Variants in NINL observed in about 807,000 individuals in gnomAD.
NINL encodes the protein ninein-like protein.
A neutral mutation model predicts 160.3 loss-of-function variants in NINL; 153 were observed. The observed-to-expected ratio is 0.95, with a 90% CI of 0.84 to 1.09. The LOEUF (loss-of-function observed/expected upper bound fraction) is 1.09. NINL is among the 50% of genes least tolerant of loss of function. NINL has a pLI of 0.00. For missense variants in NINL, 1,829 were observed against 1,764.0 expected (o/e 1.04, Z -0.66); for synonymous variants, 800 against 734.8 (o/e 1.09, Z -1.43).
intron 19 of NINL, among the ~76,000 whole-genome samples, chr20:25,466,370 G>A (rs2062913055): frequency 6.6e-6 from 1 of 152,108 alleles, no homozygotes; most frequent in South Asian, 2.1e-4. Flanking sequence ...ACATGCACAC[G>A]TGAAATATAT....
At chr20:25,462,570 G>A in intron 19 of NINL, 29 bp from the exon 20 acceptor site, 1 of 1,566,448 alleles carries the variant, frequency 6.4e-7, no homozygotes, top group South Asian at 1.2e-5. Flanking sequence ...AAATACATAA[G>A]AAAAAAATGT....
At chr20:25,467,280 G>A (rs1013874121) in intron 19 of NINL, 109 bp downstream of exon 19, 21 of 1,005,758 alleles carry the variant, frequency 2.1e-5, no homozygotes, top group Non-Finnish European at 3.1e-5. Flanking sequence ...TCACTGTCAA[G>A]TCTTTTAGAA....
intron 1 of NINL, among the ~76,000 whole-genome samples, chr20:25,541,659 GCT>G (rs1283163260): frequency 2.0e-5 from 3 of 152,200 alleles, no homozygotes; most frequent in Non-Finnish European, 1.5e-5. Flanking sequence ...TATAAAATGA[GCT>G]CTTTCTATAT....
intron 5 of NINL, among the ~76,000 whole-genome samples, chr20:25,508,881 G>A (rs2064012669): frequency 6.6e-6 from 1 of 152,198 alleles, no homozygotes; most frequent in Admixed American, 6.5e-5. Flanking sequence ...GTCCATCAAT[G>A]CCTCCGGCCT....
chr20:25,486,610 G>A (rs546839495), intron 13 of NINL, among the ~76,000 whole-genome samples: 6 of 136,486 alleles, frequency 4.4e-5, no homozygotes, highest in African/African-American at 1.1e-4. Flanking sequence ...AGGCGACACC[G>A]CTCATCACAC....
intron 14 of NINL, among the ~76,000 whole-genome samples, chr20:25,481,146 C>T (rs1384548047): frequency 6.6e-6 from 1 of 152,144 alleles, no homozygotes; most frequent in Non-Finnish European, 1.5e-5. Flanking sequence ...TTCAGGGCAA[C>T]AGGAGAACTC....
In NINL at chr20:25,554,200, C is replaced by T. The variant is rs151161581; in HGVS notation, c.-11-27602G>A. Reference sequence around the variant, plus strand: ...AGAAGCTAAACAAGGAGCCACACAGCGGGAGGGCTGCACTCTGCGGAGCAT... The same window carrying T: ...AGAAGCTAAACAAGGAGCCACACAGTGGGAGGGCTGCACTCTGCGGAGCAT... On this transcript the variant is annotated intron_variant, in intron 1 of 23. Coordinates refer to ENST00000278886, the MANE Select transcript of NINL (RefSeq NM_025176.6). 2.7e-3 allele frequency among the ~76,000 whole-genome samples: 416 copies of T among 152,216 alleles called. 1 individual carries two copies. Among genetic ancestry groups the T allele is most frequent in the Middle Eastern group, 6.8e-3 (2 of 294 alleles).
intron 13 of NINL, among the ~76,000 whole-genome samples, chr20:25,483,344 A>AAAAAAG (rs985542121): frequency 6.6e-6 from 1 of 152,076 alleles, no homozygotes; most frequent in African/African-American, 2.4e-5. Flanking sequence ...ACAAAAAAAA[A>AAAAAAG]AAAAGAAAAG....
At chr20:25,495,683 C>T (rs1170736929) in intron 10 of NINL, among the ~76,000 whole-genome samples, 6 of 152,190 alleles carry the variant, frequency 3.9e-5, no homozygotes, top group Admixed American at 1.3e-4. Context: ...TCCAGGCATG[C>T]GCAAACTTCA....
intron 1 of NINL, among the ~76,000 whole-genome samples, chr20:25,573,229 G>A (rs1050902307): frequency 2.0e-5 from 3 of 150,566 alleles, no homozygotes; most frequent in South Asian, 2.1e-4. Context: ...CCTGGGAGGC[G>A]GAGGCTGCAG....
chr20:25,530,136 G>A (rs1184239626), intron 1 of NINL, among the ~76,000 whole-genome samples: 1 of 152,096 alleles, frequency 6.6e-6, no homozygotes, highest in African/African-American at 2.4e-5. Context: ...CATAAAATAA[G>A]CCTGTCCCTT....
Position 25,458,254 on chromosome 20 carries a change from C to A in NINL, c.3843+129G>T, listed in dbSNP as rs1276239420. On this transcript the variant is annotated intron_variant, in intron 22 of 23. Transcript: ENST00000278886. The stretch of plus-strand genomic sequence containing the variant: ...GCCTCTCTCCCTACAGCCTTCCTTA[C>A]CATCTGACATGCTACATACGTGACT... 5 of 1,249,200 alleles carry A rather than the reference C, an allele frequency of 4.0e-6. No homozygotes were observed. The East Asian group carries it at 9.3e-5, about 23-fold the overall frequency. 77.4% of individuals were successfully genotyped at this position (1,249,200 alleles called of 1,614,324 possible).
Position 25,504,919 on chromosome 20 carries a change from T to C in NINL, c.677A>G (p.Gln226Arg), listed in dbSNP as rs1315555512. 5 of 1,612,146 alleles carry C rather than the reference T, an allele frequency of 3.1e-6. No homozygotes were observed. The highest frequency in any genetic ancestry group is 2.2e-5 in the East Asian group (1 of 44,876). ...LSEQELAVVC[Q>R]SVGLQGLEKE... Reference sequence around the variant, plus strand: ...CTCGAGTCCCTGGAGCCCGACGCTCTGGCAGACCACAGCCAGCTCCTGCTC... The same window carrying C: ...CTCGAGTCCCTGGAGCCCGACGCTCCGGCAGACCACAGCCAGCTCCTGCTC... Residue 226 changes from glutamine (Q) to arginine (R), a missense_variant, in exon 6 of 24, where the codon CAG (glutamine) becomes CGG (arginine). Gln to Arg is a conservative substitution (Grantham distance 43, BLOSUM62 1). Coordinates refer to ENST00000278886, the MANE Select transcript of NINL (RefSeq NM_025176.6).
intron 19 of NINL, among the ~76,000 whole-genome samples, chr20:25,465,905 A>C (rs1244371278): frequency 1.3e-5 from 2 of 152,212 alleles, no homozygotes; most frequent in African/African-American, 4.8e-5. Flanking sequence ...ACTACTGCTA[A>C]GTTTCTTAAG....
intron 21 of NINL, chr20:25,458,759 T>A (rs1242134951): frequency 2.2e-5 from 11 of 509,852 alleles, no homozygotes; most frequent in Non-Finnish European, 3.8e-5. Flanking sequence ...AACATGTCCA[T>A]CACCCTCAAA....
intron 1 of NINL, among the ~76,000 whole-genome samples, chr20:25,546,643 G>A (rs2064736195): frequency 6.6e-6 from 1 of 152,040 alleles, no homozygotes; most frequent in South Asian, 2.1e-4. Context: ...AATCAGTACT[G>A]AAACAACCTA....
intron 1 of NINL, among the ~76,000 whole-genome samples, chr20:25,552,942 A>G (rs2147101418): frequency 6.6e-6 from 1 of 152,266 alleles, no homozygotes; most frequent in Non-Finnish European, 1.5e-5. Flanking sequence ...CTGAGCTGAG[A>G]CACCCAGGGA....
chr20:25,456,455 G>T (rs1422374321), intron 22 of NINL, among the ~76,000 whole-genome samples: 1 of 151,654 alleles, frequency 6.6e-6, no homozygotes, highest in East Asian at 1.9e-4. Context: ...GGCCGAGGCA[G>T]AATAATTGCT....
intron 2 of NINL, 87 bp from the exon 3 acceptor site, chr20:25,517,936 T>C (rs1179077270): frequency 6.9e-6 from 5 of 722,754 alleles, no homozygotes; most frequent in Non-Finnish European, 1.1e-5. Flanking sequence ...TTCTCTCAGA[T>C]AGAAATATAT....
Sources: gnomAD v4.1 joint callset for allele counts (sites outside exome capture counted in the v4.1 genomes callset) on GRCh38, gnomAD v4.1.1 for gene constraint, MANE v1.5 for transcripts, NCBI Gene and HGNC (gene_info 2026-07-23, HGNC 2026-07-21) for gene names.